Variants in TLN2 observed in about 807,000 individuals in gnomAD.
TLN2 encodes the protein talin-2.
TLN2 carries 118 observed loss-of-function variants against 294.7 expected under a neutral mutation model. That is an observed-to-expected ratio of 0.40 (90% CI 0.34 to 0.47). The LOEUF (loss-of-function observed/expected upper bound fraction) is 0.47, where lower values mean the gene tolerates loss of function less well. TLN2 is among the 20% of genes least tolerant of loss of function. The pLI, the probability that TLN2 is intolerant of heterozygous loss-of-function variation, is 0.84. For missense variants in TLN2, 3,083 were observed against 3,282.2 expected, an observed-to-expected ratio of 0.94 and a Z score of 1.48; for synonymous variants, 1,431 against 1,304.5, an observed-to-expected ratio of 1.10 and a Z score of -2.09.
intron 28 of TLN2, among the ~76,000 whole-genome samples, chr15:62,731,387 A>G (rs1001761872): frequency 3.7e-5 from 4 of 107,810 alleles, no homozygotes; most frequent in Non-Finnish European, 5.7e-5. Flanking sequence ...AATTGTAGAG[A>G]TAGTTTGAGG....
intron 1 of TLN2, among the ~76,000 whole-genome samples, chr15:62,433,104 G>T (rs546962474): frequency 1.3e-5 from 2 of 152,294 alleles, no homozygotes; most frequent in South Asian, 2.1e-4. Flanking sequence ...GGAACTGGGT[G>T]TCTTTATTTG....
At chr15:62,445,023 C>G (rs1008303177) in intron 1 of TLN2, among the ~76,000 whole-genome samples, 3 of 152,140 alleles carry the variant, frequency 2.0e-5, no homozygotes, top group African/African-American at 7.2e-5. Context: ...ATGGAGTTAC[C>G]AGGCAAATGC....
At chr15:62,533,335 A>C (rs1046880286) in intron 1 of TLN2, among the ~76,000 whole-genome samples, 3 of 150,582 alleles carry the variant, frequency 2.0e-5, no homozygotes. Context: ...CAGGTAGCCC[A>C]TGTTCCACAC....
intron 7 of TLN2, among the ~76,000 whole-genome samples, chr15:62,654,124 A>G (rs1468792062): frequency 6.6e-6 from 1 of 152,184 alleles, no homozygotes; most frequent in African/African-American, 2.4e-5. Context: ...GTTATTATTA[A>G]TTGTGGTCAC....
At chr15:62,731,727 C>G (rs781638176) in intron 28 of TLN2, among the ~76,000 whole-genome samples, 2 of 152,154 alleles carry the variant, frequency 1.3e-5, no homozygotes, top group Non-Finnish European at 1.5e-5. Context: ...ACATTGGACT[C>G]ACTCCTTCAT....
Position 62,798,516 on chromosome 15 carries a change from C to T in TLN2, c.6234+1114C>T, listed in dbSNP as rs1242333399. On this transcript the variant is annotated intron_variant, in intron 48 of 58. Coordinates refer to ENST00000636159, the MANE Select transcript of TLN2 (RefSeq NM_015059.3). ...AAAGTCGCTAATAAATGGATGATGC[C>T]TGTTCCCAGAGTGCAAAATTTAAAA... Among the ~76,000 whole-genome samples, 4 of 151,874 alleles carry T rather than the reference C, an allele frequency of 2.6e-5. No homozygotes were observed. In the East Asian group the frequency reaches 7.7e-4, roughly 29 times the overall value.
intron 1 of TLN2, among the ~76,000 whole-genome samples, chr15:62,447,851 G>A (rs1185666734): frequency 6.6e-6 from 1 of 152,208 alleles, no homozygotes; most frequent in Non-Finnish European, 1.5e-5. Context: ...ACTCACTCTT[G>A]TGCATTTCTG....
At chr15:62,805,008 G>A (rs1319517549) in intron 50 of TLN2, among the ~76,000 whole-genome samples, 2 of 152,170 alleles carry the variant, frequency 1.3e-5, no homozygotes, top group Non-Finnish European at 2.9e-5. Flanking sequence ...TAAAGGGGGT[G>A]GGTCGGTGGG....
chr15:62,450,543 ATGTATGTG>A (rs1209448347), intron 1 of TLN2, among the ~76,000 whole-genome samples: 216 of 55,160 alleles, frequency 3.9e-3, no homozygotes, highest in Non-Finnish European at 5.6e-3. Flanking sequence ...GTATGTATGT[ATGTATGTG>A]TGTGTGTGTG....
intron 48 of TLN2, 97 bp downstream of exon 48, chr15:62,797,499 A>T: frequency 7.2e-7 from 1 of 1,383,994 alleles, no homozygotes; most frequent in Non-Finnish European, 9.5e-7. Flanking sequence ...GGAACTTTTG[A>T]AGTAGACAAT....
intron 1 of TLN2, among the ~76,000 whole-genome samples, chr15:62,445,216 G>A (rs1006502135): frequency 2.0e-5 from 3 of 152,144 alleles, no homozygotes; most frequent in Non-Finnish European, 2.9e-5. Flanking sequence ...CAGAGCAGTC[G>A]TTCTTATCCC....
At chr15:62,815,232 C>G (rs1209579010) in intron 52 of TLN2, among the ~76,000 whole-genome samples, 1 of 141,400 alleles carries the variant, frequency 7.1e-6, no homozygotes, top group African/African-American at 2.7e-5. Context: ...CACACACACA[C>G]TCACTCGCTC....
intron 32 of TLN2, among the ~76,000 whole-genome samples, chr15:62,745,960 T>C (rs1280953642): frequency 1.3e-5 from 2 of 152,196 alleles, no homozygotes; most frequent in Admixed American, 1.3e-4. Context: ...GCTGGCACTT[T>C]TGTGGATTAC....
rs374066160 is a variant in TLN2, at chr15:62,694,332, G to A, written c.1232G>A (p.Arg411Gln). The A allele has an allele frequency of 1.4e-5, 23 of 1,613,948 alleles. No homozygotes were observed. Among genetic ancestry groups the A allele is most frequent in the Admixed American group, 3.3e-5 (2 of 59,998 alleles). The stretch of plus-strand genomic sequence containing the variant: ...CATTTCCAGAAACAAAGTAAAGATC[G>A]ATTTGGACTAGAAGGTGATGAGGAG... ...IILKKKQSKD[R>Q]FGLEGDEEST... The change falls in exon 14 of 59, where the codon CGA (arginine) becomes CAA (glutamine). Residue 411 changes from arginine to glutamine, a missense_variant. By Grantham distance (43) the Arg-to-Gln change is conservative. Coordinates refer to ENST00000636159, the MANE Select transcript of TLN2 (RefSeq NM_015059.3).
intron 41 of TLN2, among the ~76,000 whole-genome samples, 180 bp from the exon 42 acceptor site, chr15:62,770,784 T>TA (rs2063306309): frequency 6.6e-6 from 1 of 152,104 alleles, no homozygotes; most frequent in Non-Finnish European, 1.5e-5. Flanking sequence ...CTGGAGAAAG[T>TA]AAAAACCAAG....
intron 1 of TLN2, among the ~76,000 whole-genome samples, chr15:62,517,129 G>A (rs56087075): frequency 0.013 from 1,929 of 152,288 alleles, 22 homozygotes; most frequent in Middle Eastern, 0.065. Flanking sequence ...ATGGCGAGAG[G>A]TTGCTGCTAA....
At chr15:62,491,345 TATATATAC>T (rs1469283401) in intron 1 of TLN2, among the ~76,000 whole-genome samples, 166 of 115,204 alleles carry the variant, frequency 1.4e-3, no homozygotes, top group African/African-American at 4.8e-3. Flanking sequence ...AAAATATATA[TATATATAC>T]ACACACACAC....
At chr15:62,698,958 C>G in intron 16 of TLN2, 91 bp downstream of exon 16, 4 of 1,245,664 alleles carry the variant, frequency 3.2e-6, no homozygotes, top group Non-Finnish European at 4.5e-6. Context: ...AGGTAAATTT[C>G]TATCTCTAGG....
chr15:62,498,970 A>G (rs2039160849), intron 1 of TLN2, among the ~76,000 whole-genome samples: 1 of 152,186 alleles, frequency 6.6e-6, no homozygotes, highest in African/African-American at 2.4e-5. Context: ...TTGCTGACTT[A>G]ATGACTAGTG....
Sources: gnomAD v4.1 joint callset for allele counts (sites outside exome capture counted in the v4.1 genomes callset) on GRCh38, gnomAD v4.1.1 for gene constraint, MANE v1.5 for transcripts, NCBI Gene and HGNC (gene_info 2026-07-23, HGNC 2026-07-21) for gene names.